Variants in DYDC2 observed in about 807,000 individuals in gnomAD.
DYDC2 encodes the protein DPY30 domain-containing protein 2.
In DYDC2, 19 loss-of-function variants were observed where a neutral mutation model predicts 18.7. The observed-to-expected ratio is 1.02, with a 90% confidence interval of 0.71 to 1.49. The LOEUF is 1.49. Among genes scored for constraint, DYDC2 ranks in the 40% most tolerant of loss-of-function variants. The pLI is 0.00. For missense variants in DYDC2, 179 were observed against 205.1 expected (o/e 0.87, Z 0.78); for synonymous variants, 63 against 67.6 (o/e 0.93, Z 0.34).
chr10:80,355,965 C>T (rs1402160315), upstream of DYDC2, among the ~76,000 whole-genome samples: 1 of 140,904 alleles, frequency 7.1e-6, no homozygotes, highest in Non-Finnish European at 1.5e-5. Flanking sequence ...ACAGACATCT[C>T]AAAGTCATTT....
chr10:80,347,037 G>A (rs555754134), intron 1 of DYDC2, among the ~76,000 whole-genome samples: 49 of 151,630 alleles, frequency 3.2e-4, no homozygotes, highest in African/African-American at 1.1e-3. Context: ...CTAAGATCAC[G>A]CCACTTCACT....
At chr10:80,358,558 G>A (rs750876567) in intron 2 of DYDC2, among the ~76,000 whole-genome samples, 1 of 152,158 alleles carries the variant, frequency 6.6e-6, no homozygotes, top group Non-Finnish European at 1.5e-5. Flanking sequence ...AATACGGCTT[G>A]CCACATGTAA....
chr10:80,346,756 G>A (rs1175450857), intron 1 of DYDC2, among the ~76,000 whole-genome samples: 3 of 151,752 alleles, frequency 2.0e-5, no homozygotes, highest in East Asian at 2.0e-4. Flanking sequence ...CACTGCCCCC[G>A]GCCATGTCTC....
intron 1 of DYDC2, among the ~76,000 whole-genome samples, chr10:80,348,983 C>T (rs78878478): frequency 0.032 from 4,888 of 152,254 alleles, 258 homozygotes; most frequent in African/African-American, 0.11. Flanking sequence ...GCTCCGCCTC[C>T]TGGGTTCGCG....
chr10:80,360,943 T>C (rs1039702698), intron 2 of DYDC2, among the ~76,000 whole-genome samples: 1 of 151,988 alleles, frequency 6.6e-6, no homozygotes, highest in Admixed American at 6.6e-5. Flanking sequence ...TGGCTAATTT[T>C]TGTATTTTTT....
intron 1 of DYDC2, among the ~76,000 whole-genome samples, chr10:80,350,240 T>C (rs181164148): frequency 6.6e-6 from 1 of 152,340 alleles, no homozygotes; most frequent in Non-Finnish European, 1.5e-5. Flanking sequence ...CAACATAATA[T>C]GGCTAGAGAA....
At chr10:80,364,344 G>T (rs891584667) in intron 4 of DYDC2, among the ~76,000 whole-genome samples, 7 of 152,192 alleles carry the variant, frequency 4.6e-5, no homozygotes, top group African/African-American at 1.7e-4. Context: ...TTAAGCAATT[G>T]TTTGGAGATG....
At chr10:80,352,044 G>T, upstream of DYDC2, 1 of 1,591,426 alleles carries the variant, frequency 6.3e-7, no homozygotes. Context: ...TTCTTAGCGA[G>T]AAAGCAATTT....
chr10:80,356,322 G>T, upstream of DYDC2: 2 of 985,586 alleles, frequency 2.0e-6, no homozygotes, highest in Non-Finnish European at 2.4e-6. Context: ...GCGTGAAGAA[G>T]GTGCCACAGA....
chr10:80,355,983 A>G (rs1475663181), upstream of DYDC2, among the ~76,000 whole-genome samples: 1 of 143,880 alleles, frequency 7.0e-6, no homozygotes, highest in Non-Finnish European at 1.5e-5. Flanking sequence ...TTTGAAGTGA[A>G]GTTAAAAAAA....
chr10:80,356,891 G>A, intron 1 of DYDC2, 66 bp downstream of exon 1: 1 of 980,418 alleles, frequency 1.0e-6, no homozygotes, highest in South Asian at 4.7e-5. Context: ...GGGCGTGCAG[G>A]AGTAGGAGCA....
At chr10:80,363,638 A>C (rs759144910) in intron 4 of DYDC2, among the ~76,000 whole-genome samples, 1 of 151,416 alleles carries the variant, frequency 6.6e-6, no homozygotes, top group African/African-American at 2.4e-5. Flanking sequence ...GTGAGCCACC[A>C]CGCCCAGCCA....
intron 2 of DYDC2, among the ~76,000 whole-genome samples, chr10:80,359,818 C>T (rs1320365967): frequency 6.6e-5 from 10 of 152,186 alleles, no homozygotes; most frequent in African/African-American, 2.4e-4. Flanking sequence ...CCACCCGGAA[C>T]TTGCGCTGGC....
At chr10:80,348,476 A>G (rs2132809998) in intron 1 of DYDC2, among the ~76,000 whole-genome samples, 1 of 152,366 alleles carries the variant, frequency 6.6e-6, no homozygotes, top group East Asian at 1.9e-4. Context: ...ATCACAAGTA[A>G]CGTAAAGCTG....
rs746272795 is a variant in DYDC2, at chr10:80,366,680, C to T, written c.271-8C>T. 11 of 1,579,102 alleles carry T rather than the reference C, an allele frequency of 7.0e-6. No homozygotes were observed. The highest frequency in any genetic ancestry group is 5.8e-5 in the Admixed American group (3 of 52,072). On this transcript the variant is annotated splice_polypyrimidine_tract_variant and splice_region_variant and intron_variant, in intron 4 of 4. Coordinates refer to ENST00000256039, the MANE Select transcript of DYDC2 (RefSeq NM_032372.6). ...AATAAGTTTTCGGCTTTTTTGTTTT[C>T]TATTTAGGAACTGACTTCTGAAACT...
intron 1 of DYDC2, 137 bp from the exon 2 acceptor site, chr10:80,357,756 G>A (rs550306818): frequency 3.1e-6 from 3 of 978,304 alleles, no homozygotes; most frequent in South Asian, 4.7e-5. Flanking sequence ...TTATGGGCGG[G>A]GCAGTGCCAG....
intron 1 of DYDC2, among the ~76,000 whole-genome samples, chr10:80,350,773 G>A (rs1020946295): frequency 6.6e-6 from 1 of 152,088 alleles, no homozygotes; most frequent in African/African-American, 2.4e-5. Context: ...CTATGGAAGT[G>A]GCTTAAATTT....
At position 80,366,859 on chromosome 10, in the gene DYDC2, A is replaced by G. The variant is rs1843854730; in HGVS notation, c.442A>G (p.Asn148Asp). Reference protein sequence around the residue: ...PSESAGQIDQNFKMPQEINYK... With the variant: ...PSESAGQIDQDFKMPQEINYK... ...AGAGTCTGCTGGCCAGATTGACCAG[A>G]ACTTCAAAATGCCACAAGAAATAAA... The change falls in exon 5 of 5, where the codon AAC becomes GAC. Residue 148 changes from asparagine to aspartate, a missense_variant. Asn to Asp is a conservative substitution (Grantham distance 23). Transcript: ENST00000256039. 6.2e-7 allele frequency: 1 copy of G among 1,614,206 alleles called. No individual in the cohort carries two copies. The highest frequency in any genetic ancestry group is 1.3e-5 in the African/African-American group (1 of 75,058).
At chr10:80,352,383 A>T, upstream of DYDC2, 3 of 1,423,532 alleles carry the variant, frequency 2.1e-6, no homozygotes. Flanking sequence ...AATAATGTTA[A>T]ACTTTTTTAA....
Sources: gnomAD v4.1 joint callset for allele counts (sites outside exome capture counted in the v4.1 genomes callset) on GRCh38, gnomAD v4.1.1 for gene constraint, MANE v1.5 for transcripts, NCBI Gene and HGNC (gene_info 2026-07-23, HGNC 2026-07-21) for gene names.